Variants in IQSEC1 observed in about 807,000 individuals in gnomAD.
IQSEC1 encodes the protein IQ motif and Sec7 domain ArfGEF 1, also known as IQ motif and SEC7 domain-containing protein 1.
IQSEC1 carries 31 observed loss-of-function variants against 91.0 expected under a neutral mutation model. That is an observed-to-expected ratio of 0.34 (90% CI 0.26 to 0.46). The LOEUF (loss-of-function observed/expected upper bound fraction) is 0.46. Ranked by LOEUF, IQSEC1 falls within the 20% of genes least tolerant of loss-of-function variation. The probability of loss-of-function intolerance (pLI) is 1.00; values close to 1 mark genes in which losing one functional copy is unlikely to be tolerated. For missense variants in IQSEC1, 1,388 were observed against 1,575.6 expected, an observed-to-expected ratio of 0.88 and a Z score of 2.02; for synonymous variants, 699 against 662.6, an observed-to-expected ratio of 1.05 and a Z score of -0.84.
chr3:13,083,611 G>A (rs536275592), intron 2 of IQSEC1, among the ~76,000 whole-genome samples: 52 of 152,276 alleles, frequency 3.4e-4, no homozygotes, highest in Non-Finnish European at 5.6e-4. Context: ...CGGGGCCTGC[G>A]TTGCAGTCAG....
At chr3:13,190,148 T>A (rs570471843) in intron 1 of IQSEC1, among the ~76,000 whole-genome samples, 1 of 152,336 alleles carries the variant, frequency 6.6e-6, no homozygotes, top group Admixed American at 6.5e-5. Context: ...CTGAACAGCC[T>A]GTCTGGGTCC....
chr3:13,212,148 C>T (rs1694459489), intron 1 of IQSEC1, among the ~76,000 whole-genome samples: 1 of 152,206 alleles, frequency 6.6e-6, no homozygotes, highest in African/African-American at 2.4e-5. Flanking sequence ...ACCTTCCCAC[C>T]AAGGTTGTTG....
In IQSEC1 at chr3:12,961,883, G is replaced by T. The variant is rs1576054037; in HGVS notation, c.24-20018C>A. On this transcript the variant is annotated intron_variant, in intron 1 of 13. Coordinates refer to ENST00000613206, the MANE Select transcript of IQSEC1 (RefSeq NM_001134382.3). The stretch of plus-strand genomic sequence containing the variant: ...CTGAGGCACAGAAAGGCTAAGGAAG[G>T]TGCCCAAGATCATAGGGACAATGAG... Among the ~76,000 whole-genome samples, 3 of 152,342 alleles carry T rather than the reference G, an allele frequency of 2.0e-5. No individual in the cohort carries two copies. In the South Asian group the frequency reaches 6.2e-4, roughly 32 times the overall value.
rs891998788 is a variant in IQSEC1 at position 12,900,919 on chromosome 3, C to A, written c.*64G>T. ...CCGGGTTTGGTGTGCGGCTGGCGAC[C>A]CCCGGGCGTGCCCTGTGTGGTGTGC... On this transcript the variant is annotated 3_prime_UTR_variant, in exon 14 of 14. Coordinates refer to ENST00000613206, the MANE Select transcript of IQSEC1 (RefSeq NM_001134382.3). 1 of 1,536,770 alleles carries A rather than the reference C, an allele frequency of 6.5e-7. No individual in the cohort carries two copies. The highest frequency in any genetic ancestry group is 1.4e-5 in the African/African-American group (1 of 73,108).
At chr3:13,034,720 G>T (rs1559732867) in intron 1 of IQSEC1, among the ~76,000 whole-genome samples, 1 of 152,164 alleles carries the variant, frequency 6.6e-6, no homozygotes, top group South Asian at 2.1e-4. Flanking sequence ...CAACTATTCT[G>T]CTGAGGACAA....
intron 2 of IQSEC1, among the ~76,000 whole-genome samples, chr3:13,083,930 C>T (rs769773171): frequency 7.2e-5 from 11 of 152,218 alleles, no homozygotes; most frequent in African/African-American, 1.2e-4. Flanking sequence ...TGGAGGAGTA[C>T]GCGGTTTTCC....
intron 1 of IQSEC1, among the ~76,000 whole-genome samples, chr3:13,178,153 G>A (rs941165412): frequency 9.2e-5 from 14 of 152,180 alleles, no homozygotes; most frequent in Admixed American, 8.5e-4. Context: ...CCCGAGTCCC[G>A]GGCAGTCTCT....
rs760330118 is a variant in IQSEC1, at chr3:12,911,726, G to A, written c.2319C>T (p.Val773=). The change falls in exon 10 of 14, where the codon GTC becomes GTT. Residue 773 remains valine (V), a splice_region_variant and synonymous_variant. Coordinates refer to ENST00000613206, the MANE Select transcript of IQSEC1 (RefSeq NM_001134382.3). ...EIFLFNDLLV[V]TKIFQKKKNS... is the part of the protein sequence containing the mutation. Reference sequence around the variant, plus strand: ...TCTTCTTCTTCTGGAAGATCTTGGTGACCTAGAGGCAGCCAGAGACAGAGC... The same window carrying A: ...TCTTCTTCTTCTGGAAGATCTTGGTAACCTAGAGGCAGCCAGAGACAGAGC... The A allele has an allele frequency of 1.2e-6, 2 of 1,609,694 alleles. No individual in the cohort carries two copies. Among genetic ancestry groups the A allele is most frequent in the Admixed American group, 3.3e-5 (2 of 60,014 alleles).
chr3:13,233,850 C>T (rs1012149278), intron 1 of IQSEC1, among the ~76,000 whole-genome samples: 1 of 152,196 alleles, frequency 6.6e-6, no homozygotes, highest in Non-Finnish European at 1.5e-5. Context: ...TTGGGCGGGG[C>T]ACTTCCCCTC....
intron 1 of IQSEC1, among the ~76,000 whole-genome samples, chr3:13,221,479 A>T (rs924199453): frequency 2.6e-5 from 4 of 152,204 alleles, no homozygotes; most frequent in Admixed American, 6.5e-5. Context: ...AGGCAAGGCC[A>T]AGTAGAGGGC....
rs1052666993 is a variant in IQSEC1, at chr3:13,213,183, G to A, written c.273-49050C>T. On this transcript the variant is annotated intron_variant, in intron 1 of 15. Coordinates refer to the IQSEC1 transcript ENST00000648114. Reference sequence around the variant, plus strand: ...CTTGTATTTTATCATTTTTAGTTCTGACATTTAGTTACATTTTGAGTTAAT... The same window carrying A: ...CTTGTATTTTATCATTTTTAGTTCTAACATTTAGTTACATTTTGAGTTAAT... Among the ~76,000 whole-genome samples the A allele has an allele frequency of 2.0e-5, 3 of 152,274 alleles. No homozygotes were observed. In the South Asian group the frequency reaches 6.2e-4, roughly 32 times the overall value.
intron 3 of IQSEC1, among the ~76,000 whole-genome samples, chr3:12,927,140 C>CCCT (rs1469212895): frequency 1.3e-5 from 2 of 152,246 alleles, no homozygotes; most frequent in Non-Finnish European, 2.9e-5. Flanking sequence ...TTCTCTCCCT[C>CCCT]CCTCAGCTTC....
intron 1 of IQSEC1, among the ~76,000 whole-genome samples, chr3:13,164,857 T>C (rs915293954): frequency 6.6e-6 from 1 of 152,196 alleles, no homozygotes; most frequent in African/African-American, 2.4e-5. Context: ...AGCAAACACA[T>C]TCAGGAATCT....
chr3:13,120,308 A>G (rs1706402577), intron 2 of IQSEC1, among the ~76,000 whole-genome samples: 1 of 152,128 alleles, frequency 6.6e-6, no homozygotes, highest in Non-Finnish European at 1.5e-5. Flanking sequence ...ACAAATGAGG[A>G]ACTGAGGCTT....
At chr3:13,262,216 T>G (rs372663245) in intron 1 of IQSEC1, among the ~76,000 whole-genome samples, 3 of 152,236 alleles carry the variant, frequency 2.0e-5, no homozygotes, top group Non-Finnish European at 4.4e-5. Context: ...CCACATACTA[T>G]GCACCGGGGT....
chr3:13,276,640 T>A (rs1695687198), intron 1 of IQSEC1, among the ~76,000 whole-genome samples: 1 of 152,092 alleles, frequency 6.6e-6, no homozygotes, highest in South Asian at 2.1e-4. Context: ...GAGCCACAGA[T>A]GGGGGCCTGC....
upstream of IQSEC1, among the ~76,000 whole-genome samples, chr3:13,077,370 T>C (rs929423509): frequency 6.6e-6 from 1 of 152,204 alleles, no homozygotes; most frequent in African/African-American, 2.4e-5. Context: ...CCCATCCCCA[T>C]GGTGAATTCA....
chr3:12,903,151 C>T (rs1382978853), intron 12 of IQSEC1, among the ~76,000 whole-genome samples: 1 of 152,202 alleles, frequency 6.6e-6, no homozygotes, highest in Non-Finnish European at 1.5e-5. Flanking sequence ...TACAGGTGGG[C>T]CTGACGCCCC....
At chr3:13,022,238 A>G in intron 1 of IQSEC1, 1 of 1,226,934 alleles carries the variant, frequency 8.2e-7, no homozygotes, top group South Asian at 4.2e-5. Flanking sequence ...AAGAAGAAAG[A>G]AAAGCCCCCA....
Sources: allele counts gnomAD v4.1 joint callset (sites outside exome capture counted in the v4.1 genomes callset), GRCh38; gene constraint gnomAD v4.1.1; transcripts MANE v1.5; gene names NCBI Gene and HGNC (gene_info 2026-07-23, HGNC 2026-07-21).